PPP6R2: variants seen among roughly 807,000 people sequenced by gnomAD.
PPP6R2 encodes protein phosphatase 6 regulatory subunit 2, also known as serine/threonine-protein phosphatase 6 regulatory subunit 2.
A neutral mutation model predicts 100.2 loss-of-function variants in PPP6R2; 62 were observed. That is an observed-to-expected ratio of 0.62 (90% CI 0.50 to 0.76). The LOEUF is 0.76. Ranked by LOEUF, PPP6R2 falls within the 30% of genes least tolerant of loss-of-function variation. PPP6R2 has a pLI of 0.00. For synonymous variants in PPP6R2, 525 were observed against 514.7 expected, an observed-to-expected ratio of 1.02 and a Z score of -0.27; for missense variants, 1,142 against 1,276.3, an observed-to-expected ratio of 0.89 and a Z score of 1.60.
chr22:50,387,151 C>T (rs1207604896), intron 2 of PPP6R2, among the ~76,000 whole-genome samples: 2 of 152,166 alleles, frequency 1.3e-5, no homozygotes, highest in East Asian at 3.9e-4. Context: ...GCCTCAACCT[C>T]CTGGGCTCAA....
At chr22:50,363,830 G>C (rs1173652162) in intron 1 of PPP6R2, among the ~76,000 whole-genome samples, 1 of 151,852 alleles carries the variant, frequency 6.6e-6, no homozygotes, top group Non-Finnish European at 1.5e-5. Flanking sequence ...AGTAAAGGGT[G>C]AAGAATAACC....
At chr22:50,347,391 T>C (rs2044025897) in intron 1 of PPP6R2, among the ~76,000 whole-genome samples, 1 of 151,848 alleles carries the variant, frequency 6.6e-6, no homozygotes, top group Non-Finnish European at 1.5e-5. Context: ...CCAACACTAC[T>C]CGTCTTTTCC....
chr22:50,389,202 G>C (rs897866896), intron 2 of PPP6R2: 1 of 152,214 alleles, frequency 6.6e-6, no homozygotes, highest in Non-Finnish European at 1.5e-5. Context: ...GAGTCCTTAA[G>C]CTCTGTTGAG....
intron 3 of PPP6R2, among the ~76,000 whole-genome samples, chr22:50,402,820 A>G (rs193291355): frequency 2.6e-5 from 4 of 152,336 alleles, no homozygotes; most frequent in East Asian, 3.9e-4. Flanking sequence ...TAAAATGTTG[A>G]TAAAGGAAAA....
chr22:50,353,205 CT>C (rs2045704889), intron 1 of PPP6R2, among the ~76,000 whole-genome samples: 1 of 152,240 alleles, frequency 6.6e-6, no homozygotes, highest in African/African-American at 2.4e-5. Context: ...TGCAGGAGGG[CT>C]AGCTTTTGGC....
At chr22:50,441,190 G>A (rs933836102) in intron 22 of PPP6R2, 164 bp downstream of exon 22, 25 of 663,518 alleles carry the variant, frequency 3.8e-5, no homozygotes, top group East Asian at 2.5e-4. Flanking sequence ...TGGCTGAGGC[G>A]GCGGTGGTGC....
chr22:50,351,357 T>A (rs1016281261), intron 1 of PPP6R2, among the ~76,000 whole-genome samples: 1 of 20,604 alleles, frequency 4.9e-5, no homozygotes, highest in African/African-American at 1.9e-4. Context: ...GCATAATTCT[T>A]AAGGGTCCTA....
chr22:50,351,533 A>G (rs2045265089), intron 1 of PPP6R2, among the ~76,000 whole-genome samples: 1 of 151,856 alleles, frequency 6.6e-6, no homozygotes, highest in African/African-American at 2.4e-5. Flanking sequence ...ATCTGTATTG[A>G]AAAATCTGTT....
intron 10 of PPP6R2, among the ~76,000 whole-genome samples, chr22:50,428,746 A>C (rs2062630893): frequency 6.6e-6 from 1 of 152,106 alleles, no homozygotes; most frequent in Non-Finnish European, 1.5e-5. Flanking sequence ...TCTAAAAAAA[A>C]AAATCATGTC....
At chr22:50,410,023 C>T (rs1056896652) in intron 4 of PPP6R2, among the ~76,000 whole-genome samples, 7 of 152,114 alleles carry the variant, frequency 4.6e-5, no homozygotes, top group East Asian at 1.9e-4. Context: ...CCACTGCACA[C>T]GGCCTATTTT....
At chr22:50,416,661 C>G (rs1346526896) in intron 6 of PPP6R2, among the ~76,000 whole-genome samples, 1 of 151,710 alleles carries the variant, frequency 6.6e-6, no homozygotes, top group Non-Finnish European at 1.5e-5. Flanking sequence ...GAAAAATAAT[C>G]TATGTGTATT....
At chr22:50,441,964 C>T (rs890921486) in intron 22 of PPP6R2, among the ~76,000 whole-genome samples, 1 of 152,158 alleles carries the variant, frequency 6.6e-6, no homozygotes, top group African/African-American at 2.4e-5. Context: ...TGCAAAGACC[C>T]TGAGGCCTGA....
At chr22:50,435,885 G>C (rs1343630686) in intron 13 of PPP6R2, among the ~76,000 whole-genome samples, 1 of 152,176 alleles carries the variant, frequency 6.6e-6, no homozygotes, top group Non-Finnish European at 1.5e-5. Flanking sequence ...CATTCCATAC[G>C]ATCTCCAGAT....
At chr22:50,399,022 C>T (rs1603211970) in intron 3 of PPP6R2, among the ~76,000 whole-genome samples, 1 of 151,918 alleles carries the variant, frequency 6.6e-6, no homozygotes, top group South Asian at 2.1e-4. Context: ...CTGAGGCGGG[C>T]GGATCATGAG....
At chr22:50,397,561 C>T (rs2057191399) in intron 3 of PPP6R2, among the ~76,000 whole-genome samples, 2 of 145,546 alleles carry the variant, frequency 1.4e-5, no homozygotes, top group South Asian at 2.2e-4. Context: ...GGCCTGTCCT[C>T]ACCAGCCCTG....
chr22:50,339,702 G>A (rs536934400), upstream of PPP6R2, among the ~76,000 whole-genome samples: 1 of 137,786 alleles, frequency 7.3e-6, no homozygotes, highest in South Asian at 2.5e-4. Context: ...TTGGTGTGTA[G>A]TGTGTGGTGT....
chr22:50,357,436 T>G (rs1186238567), intron 1 of PPP6R2, among the ~76,000 whole-genome samples: 1 of 151,642 alleles, frequency 6.6e-6, no homozygotes, highest in Admixed American at 6.6e-5. Flanking sequence ...TTTCTTTTTC[T>G]TTTTTCTCTC....
At chr22:50,435,309 C>T (rs2063985717) in intron 13 of PPP6R2, among the ~76,000 whole-genome samples, 1 of 152,234 alleles carries the variant, frequency 6.6e-6, no homozygotes, top group Admixed American at 6.5e-5. Context: ...CCCTGCCAGG[C>T]GTCAGCGTGT....
In PPP6R2 at chr22:50,423,661, G is replaced by A; in HGVS notation, c.1125+47G>A. On this transcript the variant is annotated intron_variant, in intron 10 of 23. Transcript: ENST00000612753. This position sits in a 1 kb window ranked among gnomAD's most constrained non-coding sequence, Gnocchi z 4.8. ...CCCTGCATGTCTGTGAGTGTGCCGG[G>A]CATGGCCTGTGGACTTGTCAGGAGC... 4.4e-6 allele frequency: 7 copies of A among 1,607,684 alleles called. No homozygotes were observed. The highest frequency in any genetic ancestry group is 6.0e-6 in the Non-Finnish European group (7 of 1,175,962).
Sources: allele counts gnomAD v4.1 joint callset (sites outside exome capture counted in the v4.1 genomes callset), GRCh38; gene constraint gnomAD v4.1.1; non-coding constraint Gnocchi (gnomAD v3.1); transcripts MANE v1.5; gene names NCBI Gene and HGNC (gene_info 2026-07-23, HGNC 2026-07-21).